Variants in RBM47 observed in about 807,000 individuals in gnomAD.
The protein encoded by RBM47 is RNA-binding protein 47.
A neutral mutation model predicts 47.1 loss-of-function variants in RBM47; 21 were observed. The observed-to-expected ratio is 0.45, with a 90% CI of 0.32 to 0.64. RBM47 has a LOEUF of 0.64. Among genes scored for constraint, RBM47 ranks in the 30% least tolerant of loss-of-function variants. The pLI is 0.05. For missense variants in RBM47, 708 were observed against 870.9 expected (o/e 0.81, Z 2.35); for synonymous variants, 375 against 361.7 (o/e 1.04, Z -0.42).
At chr4:40,500,174 G>A (rs1197076836) in intron 2 of RBM47, among the ~76,000 whole-genome samples, 2 of 152,194 alleles carry the variant, frequency 1.3e-5, no homozygotes, top group South Asian at 2.1e-4. Context: ...TTAGCCGGGT[G>A]TGGTGGTGCA....
chr4:40,613,162 C>T (rs2154279712), intron 1 of RBM47, among the ~76,000 whole-genome samples: 1 of 152,254 alleles, frequency 6.6e-6, no homozygotes, highest in East Asian at 1.9e-4. Context: ...AAGCACTGTA[C>T]AATGATTTTT....
intron 6 of RBM47, among the ~76,000 whole-genome samples, chr4:40,431,404 A>T (rs566200963): frequency 1.3e-5 from 2 of 152,184 alleles, no homozygotes; most frequent in Non-Finnish European, 2.9e-5. Flanking sequence ...CACGCCTGTA[A>T]TCCCAGCACT....
chr4:40,524,062 C>T (rs1726471904), intron 2 of RBM47, among the ~76,000 whole-genome samples: 2 of 152,016 alleles, frequency 1.3e-5, no homozygotes, highest in Admixed American at 1.3e-4. Context: ...AATTGAGTGC[C>T]CTGTATCTTA....
chr4:40,490,158 C>A (rs900638234), intron 2 of RBM47, among the ~76,000 whole-genome samples: 6 of 152,068 alleles, frequency 3.9e-5, no homozygotes, highest in Admixed American at 1.3e-4. Flanking sequence ...CTACAAAAAA[C>A]CCATGACTAA....
At chr4:40,548,382 A>G (rs1313366556) in intron 1 of RBM47, among the ~76,000 whole-genome samples, 1 of 152,226 alleles carries the variant, frequency 6.6e-6, no homozygotes, top group African/African-American at 2.4e-5. Flanking sequence ...GCAAGGAACC[A>G]GGAGCCCACA....
intron 2 of RBM47, among the ~76,000 whole-genome samples, chr4:40,506,408 G>C (rs530286766): frequency 2.6e-5 from 4 of 152,304 alleles, no homozygotes; most frequent in African/African-American, 9.6e-5. Flanking sequence ...AGATCTCCTA[G>C]ACACCCATGA....
chr4:40,432,331 G>A (rs751035681), intron 6 of RBM47, among the ~76,000 whole-genome samples: 3 of 151,810 alleles, frequency 2.0e-5, no homozygotes, highest in Non-Finnish European at 4.4e-5. Flanking sequence ...TTGTGTGTCA[G>A]CTCTTTAACA....
At position 40,424,976 on chromosome 4, in the gene RBM47, C is replaced by G. The variant is rs1019089481; in HGVS notation, c.*928G>C. ...ACGTAGAAGACAATACTTCCCCAAC[C>G]AAACAAAAAAAAAAACAAAAAACAA... On this transcript the variant is annotated 3_prime_UTR_variant, in exon 7 of 7. Coordinates refer to ENST00000295971, the MANE Select transcript of RBM47 (RefSeq NM_001098634.2). 4.9e-5 allele frequency: 4 copies of G among 81,836 alleles called. No homozygotes were observed. Among genetic ancestry groups the G allele is most frequent in the African/African-American group, 8.4e-5 (1 of 11,966 alleles). The allele number at this position is 81,836 out of a possible 1,614,324, so 5.1% of individuals were successfully genotyped here.
At position 40,584,653 on chromosome 4, in the gene RBM47, A is replaced by G. The variant is rs75645280; in HGVS notation, c.-239-40147T>C. Among the ~76,000 whole-genome samples the G allele has an allele frequency of 7.8e-3, 1,188 of 152,318 alleles. 10 individuals are homozygous for G. The highest frequency in any genetic ancestry group is 0.028 in the African/African-American group (1,145 of 41,574). On this transcript the variant is annotated intron_variant, in intron 1 of 6. Coordinates refer to ENST00000295971, the MANE Select transcript of RBM47 (RefSeq NM_001098634.2). ...ATTGCATAAAATTTACAGTAAAAAA[A>G]GTAGATCTCACACACACACACCTAC...
At chr4:40,471,558 G>A (rs556097393) in intron 2 of RBM47, among the ~76,000 whole-genome samples, 54 of 152,148 alleles carry the variant, frequency 3.5e-4, no homozygotes, top group African/African-American at 1.2e-3. Context: ...TTAGCCGGGT[G>A]TGGTGGCACA....
chr4:40,615,133 T>A (rs11946705), intron 1 of RBM47, among the ~76,000 whole-genome samples: 16,325 of 151,324 alleles, frequency 0.11, 921 homozygotes, highest in South Asian at 0.12. Flanking sequence ...CTCAAAAAAA[T>A]AATAATAATA....
chr4:40,428,193 CAAACAAAACAAAACA>C (rs71196867), intron 6 of RBM47, among the ~76,000 whole-genome samples: 31 of 149,160 alleles, frequency 2.1e-4, no homozygotes, highest in African/African-American at 5.0e-4. Flanking sequence ...GACCTTGTCT[CAAACAAAACAAAACA>C]AAACAAAACA....
intron 2 of RBM47, among the ~76,000 whole-genome samples, chr4:40,536,729 T>A (rs868752540): frequency 2.6e-5 from 4 of 151,962 alleles, no homozygotes; most frequent in African/African-American, 9.7e-5. Flanking sequence ...TTTTGTTTTT[T>A]TTTTATTGTT....
chr4:40,512,026 A>C (rs1486329042), intron 2 of RBM47, among the ~76,000 whole-genome samples: 2 of 152,198 alleles, frequency 1.3e-5, no homozygotes, highest in East Asian at 3.8e-4. Context: ...GAAACAAGGA[A>C]TGACAAGTGT....
intron 1 of RBM47, among the ~76,000 whole-genome samples, chr4:40,577,401 A>AAGGCTGCCACCTC (rs1732443220): frequency 6.6e-6 from 1 of 152,148 alleles, no homozygotes; most frequent in Non-Finnish European, 1.5e-5. Flanking sequence ...TTGCCGACTA[A>AAGGCTGCCACCTC]ACAAGGCTGC....
intron 1 of RBM47, among the ~76,000 whole-genome samples, chr4:40,567,743 T>C (rs555161773): frequency 1.3e-5 from 2 of 152,016 alleles, no homozygotes; most frequent in Non-Finnish European, 2.9e-5. Flanking sequence ...AGGTATTTTG[T>C]TCCCAACATG....
At chr4:40,472,562 C>CA (rs11403447) in intron 2 of RBM47, among the ~76,000 whole-genome samples, 65,584 of 126,178 alleles carry the variant, frequency 0.52, 15,872 homozygotes, top group African/African-American at 0.61. Flanking sequence ...TGCTCTGTCT[C>CA]AAAAAAAAAA....
chr4:40,466,014 C>G (rs1396513662), intron 3 of RBM47, among the ~76,000 whole-genome samples: 2 of 152,066 alleles, frequency 1.3e-5, no homozygotes, highest in East Asian at 3.9e-4. Flanking sequence ...TGTCCGTAAT[C>G]CCAGGACTTT....
At chr4:40,496,998 G>A (rs557913066) in intron 2 of RBM47, among the ~76,000 whole-genome samples, 18 of 141,100 alleles carry the variant, frequency 1.3e-4, no homozygotes, top group Middle Eastern at 4.3e-3. Flanking sequence ...CCAAGATCAC[G>A]CCACTGCACT....
Sources: allele counts gnomAD v4.1 joint callset (sites outside exome capture counted in the v4.1 genomes callset), GRCh38; gene constraint gnomAD v4.1.1; transcripts MANE v1.5; gene names NCBI Gene and HGNC (gene_info 2026-07-23, HGNC 2026-07-21).